Variants in CPA6 observed in about 807,000 individuals in gnomAD.
The protein encoded by CPA6 is carboxypeptidase A6.
A neutral mutation model predicts 63.3 loss-of-function variants in CPA6; 58 were observed. The observed-to-expected ratio is 0.92, with a 90% CI of 0.74 to 1.14. The LOEUF (loss-of-function observed/expected upper bound fraction) is 1.14. Ranked by LOEUF, CPA6 falls within the 50% of genes most tolerant of loss-of-function variation. The pLI, the probability that CPA6 is intolerant of heterozygous loss-of-function variation, is 0.00. For synonymous variants in CPA6, 185 were observed against 179.0 expected (o/e 1.03, Z -0.27); for missense variants, 565 against 526.6 (o/e 1.07, Z -0.71).
intron 2 of CPA6, among the ~76,000 whole-genome samples, chr8:67,605,307 C>T (rs116517120): frequency 0.019 from 2,911 of 152,074 alleles, 100 homozygotes; most frequent in African/African-American, 0.065. Context: ...TACATTCATC[C>T]CTTGGTATTG....
chr8:67,650,422 T>C (rs2128991261), intron 1 of CPA6, among the ~76,000 whole-genome samples: 1 of 152,268 alleles, frequency 6.6e-6, no homozygotes, highest in African/African-American at 2.4e-5. Flanking sequence ...CAGGCTTCCC[T>C]TACTGTCACA....
At chr8:67,556,276 G>A (rs965569494) in intron 2 of CPA6, among the ~76,000 whole-genome samples, 3 of 151,648 alleles carry the variant, frequency 2.0e-5, no homozygotes, top group African/African-American at 7.3e-5. Flanking sequence ...CTGGTCTTGG[G>A]GCTGGAGTCC....
chr8:67,636,683 A>T (rs566026833), intron 1 of CPA6, among the ~76,000 whole-genome samples: 24 of 151,682 alleles, frequency 1.6e-4, no homozygotes, highest in Non-Finnish European at 4.4e-5. Context: ...ACAGTTTAAA[A>T]TATTTGCTGA....
At chr8:67,456,372 A>G (rs1254524539) in intron 8 of CPA6, among the ~76,000 whole-genome samples, 1 of 152,200 alleles carries the variant, frequency 6.6e-6, no homozygotes, top group Non-Finnish European at 1.5e-5. Context: ...CCCAAACCAG[A>G]AATCATCTAC....
intron 8 of CPA6, among the ~76,000 whole-genome samples, chr8:67,475,666 C>G (rs1209522348): frequency 2.0e-5 from 3 of 152,170 alleles, no homozygotes; most frequent in Admixed American, 1.3e-4. Context: ...CAGACACACA[C>G]CTGGCAGTCT....
intron 8 of CPA6, among the ~76,000 whole-genome samples, chr8:67,478,790 A>C (rs1442261903): frequency 6.6e-6 from 1 of 152,166 alleles, no homozygotes; most frequent in Non-Finnish European, 1.5e-5. Context: ...TAATCCCAGC[A>C]CTTTGGGAGG....
intron 8 of CPA6, among the ~76,000 whole-genome samples, chr8:67,448,664 GAAAAAGAAAA>G (rs1250606421): frequency 1.5e-5 from 1 of 66,470 alleles, no homozygotes; most frequent in African/African-American, 8.4e-5. Context: ...AGGAAAGAAC[GAAAAAGAAAA>G]AAAAAGAAAG....
rs540368039 is a variant in CPA6 at position 67,494,240 on chromosome 8, G to T, written c.637-9451C>A. Among the ~76,000 whole-genome samples the T allele has an allele frequency of 3.3e-5, 5 of 151,602 alleles. 1 individual carries two copies. Among genetic ancestry groups the T allele is most frequent in the South Asian group, 4.2e-4 (2 of 4,802 alleles). ...TAAACATAGCAACATGTCATGAAGG[G>T]TTTTCTTCATCATTAAATACTATAC... is the stretch of plus-strand genomic sequence containing the variant. On this transcript the variant is annotated intron_variant, in intron 6 of 10. Transcript: ENST00000297770.
intron 8 of CPA6, among the ~76,000 whole-genome samples, chr8:67,447,857 T>C (rs1446764193): frequency 6.6e-6 from 1 of 152,204 alleles, no homozygotes. Flanking sequence ...CCATCTCAGC[T>C]CACTGCAACC....
intron 1 of CPA6, among the ~76,000 whole-genome samples, chr8:67,734,717 TATCACATCATCAGACATCCC>T (rs1368089939): frequency 6.6e-6 from 1 of 152,222 alleles, no homozygotes; most frequent in Non-Finnish European, 1.5e-5. Context: ...AATATATTGC[TATCACATCATCAGACATCCC>T]ATCACATCAT....
chr8:67,611,810 A>T (rs1814813302), intron 2 of CPA6, among the ~76,000 whole-genome samples: 1 of 152,196 alleles, frequency 6.6e-6, no homozygotes, highest in East Asian at 1.9e-4. Context: ...GGCCAGCCCT[A>T]GCCTGCTGGC....
intron 1 of CPA6, among the ~76,000 whole-genome samples, chr8:67,679,384 C>T (rs1461243404): frequency 6.6e-6 from 1 of 152,188 alleles, no homozygotes; most frequent in African/African-American, 2.4e-5. Flanking sequence ...CCTTACTTGA[C>T]ATTTGGAAAA....
intron 1 of CPA6, among the ~76,000 whole-genome samples, chr8:67,741,975 A>G (rs1414282269): frequency 2.6e-5 from 4 of 152,300 alleles, no homozygotes; most frequent in South Asian, 2.1e-4. Context: ...TACACATTGT[A>G]TAGTAATTTG....
At chr8:67,585,374 A>G (rs1322482510) in intron 2 of CPA6, among the ~76,000 whole-genome samples, 2 of 152,214 alleles carry the variant, frequency 1.3e-5, no homozygotes, top group Admixed American at 6.5e-5. Context: ...GGGCTGTTGC[A>G]TCAGTGGAAG....
At chr8:67,579,836 C>T (rs1469551340) in intron 2 of CPA6, among the ~76,000 whole-genome samples, 1 of 152,228 alleles carries the variant, frequency 6.6e-6, no homozygotes, top group Non-Finnish European at 1.5e-5. Flanking sequence ...TTGGCTATGG[C>T]TGCTTTGGGG....
intron 3 of CPA6, among the ~76,000 whole-genome samples, chr8:67,515,548 G>A (rs756682387): frequency 4.6e-5 from 7 of 152,230 alleles, no homozygotes; most frequent in Middle Eastern, 3.4e-3. Flanking sequence ...TCTCTTATAC[G>A]CCGTGAATCT....
chr8:67,454,995 G>T (rs1204658424), intron 8 of CPA6, among the ~76,000 whole-genome samples: 3 of 152,120 alleles, frequency 2.0e-5, no homozygotes, highest in African/African-American at 7.2e-5. Context: ...GAGCCCTGGG[G>T]TAACTACAAT....
intron 8 of CPA6, among the ~76,000 whole-genome samples, chr8:67,449,132 A>T (rs1271399053): frequency 6.6e-6 from 1 of 152,126 alleles, no homozygotes; most frequent in Non-Finnish European, 1.5e-5. Flanking sequence ...CATGCTTGTA[A>T]TACCAGCTAC....
At chr8:67,486,871 ATT>A (rs200244030) in intron 6 of CPA6, among the ~76,000 whole-genome samples, 8 of 143,778 alleles carry the variant, frequency 5.6e-5, no homozygotes, top group Non-Finnish European at 1.5e-5. Flanking sequence ...TGACTTAACA[ATT>A]TTTTTTTTTT....
Sources: gnomAD v4.1 joint callset for allele counts (sites outside exome capture counted in the v4.1 genomes callset) on GRCh38, gnomAD v4.1.1 for gene constraint, MANE v1.5 for transcripts, NCBI Gene and HGNC (gene_info 2026-07-23, HGNC 2026-07-21) for gene names.